The following KCNIP4 variants were observed in gnomAD, a reference collection of about 807,000 sequenced individuals.
The protein encoded by KCNIP4 is potassium voltage-gated channel interacting protein 4.
Under a neutral mutation model 34.0 loss-of-function variants are expected in KCNIP4, and 12 were observed. The ratio of observed to expected loss-of-function variants is 0.35; its 90% CI spans 0.23 to 0.57. The LOEUF (loss-of-function observed/expected upper bound fraction) is 0.57, where lower values mean the gene tolerates loss of function less well. KCNIP4 is among the 20% of genes least tolerant of loss of function. The probability of loss-of-function intolerance (pLI) is 0.83; values close to 1 mark genes in which losing one functional copy is unlikely to be tolerated. For missense variants in KCNIP4, 238 were observed against 311.7 expected, an observed-to-expected ratio of 0.76 and a Z score of 1.78; for synonymous variants, 124 against 102.2, an observed-to-expected ratio of 1.21 and a Z score of -1.29.
chr4:20,926,641 C>T (rs1205972019), intron 1 of KCNIP4, among the ~76,000 whole-genome samples: 1 of 152,162 alleles, frequency 6.6e-6, no homozygotes, highest in Non-Finnish European at 1.5e-5. Context: ...TTTCTTAAGT[C>T]ATTCATCCTG....
chr4:21,782,523 G>A (rs1191612609), intron 1 of KCNIP4, among the ~76,000 whole-genome samples: 2 of 151,964 alleles, frequency 1.3e-5, no homozygotes, highest in East Asian at 1.9e-4. Context: ...GTGAGACTCC[G>A]TTTCTACAAA....
chr4:21,044,397 C>T (rs1742252732), intron 1 of KCNIP4, among the ~76,000 whole-genome samples: 1 of 152,076 alleles, frequency 6.6e-6, no homozygotes, highest in Admixed American at 6.6e-5. Flanking sequence ...CTGCAACCTC[C>T]ACCTCCAGGG....
intron 1 of KCNIP4, among the ~76,000 whole-genome samples, chr4:21,067,322 A>T (rs895187049): frequency 1.3e-5 from 2 of 152,012 alleles, no homozygotes; most frequent in African/African-American, 4.8e-5. Flanking sequence ...GACCCAGCAC[A>T]TTCCTGGCTG....
At chr4:21,349,377 C>T (rs1394066874) in intron 1 of KCNIP4, among the ~76,000 whole-genome samples, 1 of 152,136 alleles carries the variant, frequency 6.6e-6, no homozygotes, top group African/African-American at 2.4e-5. Flanking sequence ...GGTGAAAGTA[C>T]AGACATGTTT....
At chr4:21,735,771 G>C (rs1715951220) in intron 1 of KCNIP4, among the ~76,000 whole-genome samples, 1 of 152,128 alleles carries the variant, frequency 6.6e-6, no homozygotes. Context: ...GAAGAATGGG[G>C]ACTAGCCTGC....
At position 20,728,759 on chromosome 4, in the gene KCNIP4, A is replaced by T. The variant is rs1282195290; in HGVS notation, c.*1323T>A. Reference sequence around the variant, plus strand: ...ACTGGTGATAGCAGGGCAGCTTTCAACATCCTATCTCTACACCAGAATAGA... The same window carrying T: ...ACTGGTGATAGCAGGGCAGCTTTCATCATCCTATCTCTACACCAGAATAGA... On this transcript the variant is annotated 3_prime_UTR_variant, in exon 9 of 9. Transcript: ENST00000382152. 1.3e-5 allele frequency: 2 copies of T among 152,606 alleles called. No individual in the cohort carries two copies. Among genetic ancestry groups the T allele is most frequent in the Non-Finnish European group, 2.9e-5 (2 of 68,022 alleles). 9.5% of individuals were successfully genotyped at this position (152,606 alleles called of 1,614,324 possible).
At chr4:20,890,726 G>T (rs1725830466) in intron 1 of KCNIP4, among the ~76,000 whole-genome samples, 1 of 152,006 alleles carries the variant, frequency 6.6e-6, no homozygotes, top group Non-Finnish European at 1.5e-5. Flanking sequence ...AATACAAAAA[G>T]ATAATAAAAA....
At chr4:21,218,749 T>G (rs959948292) in intron 1 of KCNIP4, among the ~76,000 whole-genome samples, 2 of 152,202 alleles carry the variant, frequency 1.3e-5, no homozygotes, top group Non-Finnish European at 2.9e-5. Flanking sequence ...TATGGGCTCA[T>G]CCAGCATTTC....
At chr4:21,875,370 A>T (rs2109373081) in intron 1 of KCNIP4, among the ~76,000 whole-genome samples, 1 of 152,336 alleles carries the variant, frequency 6.6e-6, no homozygotes, top group East Asian at 1.9e-4. Flanking sequence ...TTCTGGAATT[A>T]AATTCAAACA....
At chr4:21,106,527 G>A (rs1370771361) in intron 1 of KCNIP4, among the ~76,000 whole-genome samples, 3 of 150,656 alleles carry the variant, frequency 2.0e-5, no homozygotes, top group Non-Finnish European at 4.4e-5. Context: ...TATCAATTTT[G>A]TTGATCCTTT....
intron 1 of KCNIP4, among the ~76,000 whole-genome samples, chr4:21,470,568 T>G (rs973500196): frequency 2.0e-5 from 3 of 152,150 alleles, no homozygotes; most frequent in Non-Finnish European, 4.4e-5. Context: ...GCACTAGACA[T>G]TGCTTCCTCT....
At chr4:21,498,305 C>T (rs1338295578) in intron 1 of KCNIP4, among the ~76,000 whole-genome samples, 1 of 151,904 alleles carries the variant, frequency 6.6e-6, no homozygotes, top group Non-Finnish European at 1.5e-5. Flanking sequence ...TCTTCTTGGC[C>T]AATAGTTACA....
intron 5 of KCNIP4, among the ~76,000 whole-genome samples, chr4:20,738,641 A>G (rs903681296): frequency 2.0e-5 from 3 of 152,358 alleles, no homozygotes; most frequent in South Asian, 2.1e-4. Context: ...ATGGCTACAT[A>G]GGAACAGCTC....
chr4:21,659,591 T>C (rs1049452143), intron 1 of KCNIP4, among the ~76,000 whole-genome samples: 8 of 152,184 alleles, frequency 5.3e-5, no homozygotes, highest in Admixed American at 2.6e-4. Context: ...ATCTAGAGAT[T>C]TGGATAATAA....
intron 1 of KCNIP4, among the ~76,000 whole-genome samples, chr4:20,884,312 G>A (rs1012280525): frequency 2.0e-5 from 3 of 152,064 alleles, no homozygotes; most frequent in African/African-American, 7.2e-5. Context: ...GCACCTATCA[G>A]CCCATCATCT....
At chr4:21,023,992 G>T (rs1200728696) in intron 1 of KCNIP4, among the ~76,000 whole-genome samples, 2 of 152,142 alleles carry the variant, frequency 1.3e-5, no homozygotes, top group African/African-American at 2.4e-5. Flanking sequence ...AAAGAAATTG[G>T]AACCCTCATA....
In KCNIP4 at chr4:21,715,065, T is replaced by TTTTATTTTATTTTATTTTATTTTA. The variant is rs1491458277; in HGVS notation, c.61+233482_61+233505dup. Among the ~76,000 whole-genome samples the TTTTATTTTATTTTATTTTATTTTA allele has an allele frequency of 3.1e-3, 204 of 66,206 alleles. 31 individuals are homozygous for TTTTATTTTATTTTATTTTATTTTA. The highest frequency in any genetic ancestry group is 3.7e-3 in the Non-Finnish European group (156 of 42,646). 43.4% of individuals were successfully genotyped at this position (66,206 alleles called of 152,430 possible). On this transcript the variant is annotated intron_variant, in intron 1 of 8. Coordinates refer to ENST00000382152, the MANE Select transcript of KCNIP4 (RefSeq NM_025221.6). ...TTTTATTTTATTTTATTTTATTTTA[T>TTTTATTTTATTTTATTTTATTTTA]TTTATTTTATTTTATTTTATTTTAT...
intron 1 of KCNIP4, among the ~76,000 whole-genome samples, chr4:21,220,636 C>CT (rs1487842751): frequency 2.0e-5 from 3 of 151,638 alleles, no homozygotes; most frequent in Non-Finnish European, 4.4e-5. Flanking sequence ...AAAACTAAAC[C>CT]TTTTTTGTGC....
intron 1 of KCNIP4, among the ~76,000 whole-genome samples, chr4:21,220,901 G>T (rs1356744241): frequency 6.6e-6 from 1 of 152,100 alleles, no homozygotes; most frequent in Non-Finnish European, 1.5e-5. Context: ...TCCTAATGGA[G>T]AAATGTCTTT....
Sources: gnomAD v4.1 joint callset for allele counts (sites outside exome capture counted in the v4.1 genomes callset) on GRCh38, gnomAD v4.1.1 for gene constraint, MANE v1.5 for transcripts, NCBI Gene and HGNC (gene_info 2026-07-23, HGNC 2026-07-21) for gene names.